DPP10: variants seen among roughly 807,000 people sequenced by gnomAD.
The protein encoded by DPP10 is inactive dipeptidyl peptidase 10.
A neutral mutation model predicts 120.9 loss-of-function variants in DPP10; 33 were observed. The observed-to-expected ratio is 0.27, with a 90% CI of 0.21 to 0.37. DPP10 has a LOEUF of 0.37. Ranked by LOEUF, DPP10 falls within the 10% of genes least tolerant of loss-of-function variation. DPP10 has a pLI of 1.00. For missense variants in DPP10, 816 were observed against 942.8 expected, an observed-to-expected ratio of 0.87 and a Z score of 1.76; for synonymous variants, 337 against 326.1, an observed-to-expected ratio of 1.03 and a Z score of -0.36.
intron 1 of DPP10, among the ~76,000 whole-genome samples, chr2:114,450,261 C>T (rs1016874474): frequency 2.6e-5 from 4 of 152,086 alleles, no homozygotes; most frequent in African/African-American, 9.7e-5. Context: ...GCAGAATTTT[C>T]TCAGTGAGAA....
intron 1 of DPP10, among the ~76,000 whole-genome samples, chr2:114,799,747 C>G (rs1684031846): frequency 6.6e-6 from 1 of 152,024 alleles, no homozygotes; most frequent in African/African-American, 2.4e-5. Flanking sequence ...AGTTGGATGT[C>G]CCCTGAGAAA....
chr2:115,230,471 T>G (rs2057682801), intron 1 of DPP10, among the ~76,000 whole-genome samples: 1 of 152,052 alleles, frequency 6.6e-6, no homozygotes, highest in South Asian at 2.1e-4. Flanking sequence ...GTAGGTAGTA[T>G]TTCTGCCATG....
chr2:115,377,146 G>A lies in DPP10; in HGVS notation c.271+33234G>A, dbSNP rs1574615965. ...CGCCACACTGACTTCCACAATGGTT[G>A]AACTAGTTTACAGTCCCACCAACAG... On this transcript the variant is annotated intron_variant, in intron 3 of 25. Coordinates refer to ENST00000410059, the MANE Select transcript of DPP10 (RefSeq NM_020868.6). 4.6e-5 allele frequency among the ~76,000 whole-genome samples: 7 copies of A among 152,108 alleles called. No homozygotes were observed. In the South Asian group the frequency reaches 1.2e-3, roughly 27 times the overall value.
At chr2:114,730,718 C>T (rs190115556) in intron 1 of DPP10, among the ~76,000 whole-genome samples, 198 of 152,094 alleles carry the variant, frequency 1.3e-3, no homozygotes, top group African/African-American at 4.7e-3. Context: ...CTCCGCCTCC[C>T]GAGTAGCTGG....
chr2:115,412,098 AG>A (rs1167297744), intron 3 of DPP10, among the ~76,000 whole-genome samples: 1 of 152,086 alleles, frequency 6.6e-6, no homozygotes, highest in African/African-American at 2.4e-5. Flanking sequence ...AGGGGAAATG[AG>A]ATTTTCCTCC....
chr2:114,945,404 A>T (rs1356023903), intron 1 of DPP10, among the ~76,000 whole-genome samples: 1 of 152,184 alleles, frequency 6.6e-6, no homozygotes, highest in African/African-American at 2.4e-5. Context: ...GAAACAATCA[A>T]TTTTTTTAAA....
chr2:115,828,728 AT>A (rs1688628643), intron 21 of DPP10, among the ~76,000 whole-genome samples: 1 of 151,978 alleles, frequency 6.6e-6, no homozygotes, highest in African/African-American at 2.4e-5. Flanking sequence ...TATTTTATAT[AT>A]TTTGTCTATA....
At chr2:115,194,641 C>T (rs563688655) in intron 1 of DPP10, among the ~76,000 whole-genome samples, 26 of 152,212 alleles carry the variant, frequency 1.7e-4, no homozygotes, top group South Asian at 1.5e-3. Context: ...GCCCGTCTTG[C>T]GTGAGCTTTT....
At chr2:114,932,238 A>G (rs1172145199) in intron 1 of DPP10, among the ~76,000 whole-genome samples, 1 of 152,232 alleles carries the variant, frequency 6.6e-6, no homozygotes, top group Non-Finnish European at 1.5e-5. Context: ...TTTGAAAACT[A>G]CTGCACACAT....
chr2:115,022,035 A>G (rs1479341478), intron 1 of DPP10, among the ~76,000 whole-genome samples: 2 of 152,172 alleles, frequency 1.3e-5, no homozygotes, highest in Non-Finnish European at 2.9e-5. Flanking sequence ...AAAGCCATCT[A>G]TGACAAACCC....
At chr2:115,626,309 C>G (rs1006631862) in intron 5 of DPP10, among the ~76,000 whole-genome samples, 6 of 151,854 alleles carry the variant, frequency 4.0e-5, no homozygotes, top group African/African-American at 1.4e-4. Flanking sequence ...TTATTTACTA[C>G]CATACTGAGA....
intron 1 of DPP10, among the ~76,000 whole-genome samples, chr2:114,687,751 C>T (rs938094547): frequency 1.3e-5 from 2 of 151,966 alleles, no homozygotes; most frequent in African/African-American, 4.8e-5. Context: ...TGGAGCAAGG[C>T]TTCCACCATT....
intron 5 of DPP10, among the ~76,000 whole-genome samples, chr2:115,564,715 A>G (rs1279209799): frequency 6.6e-6 from 1 of 152,244 alleles, no homozygotes; most frequent in Non-Finnish European, 1.5e-5. Context: ...TTGAAAAAAT[A>G]CATCAGATGG....
At chr2:114,711,781 ACTTGAGGGTCATAAAATGAAGC>A (rs1405190156) in intron 1 of DPP10, among the ~76,000 whole-genome samples, 13 of 152,268 alleles carry the variant, frequency 8.5e-5, no homozygotes, top group African/African-American at 3.1e-4. Context: ...AAATGAAAGT[ACTTGAGGGTCATAAAATGAAGC>A]TAGCAAGAAG....
At chr2:114,545,055 T>A (rs1687274767) in intron 1 of DPP10, among the ~76,000 whole-genome samples, 1 of 152,144 alleles carries the variant, frequency 6.6e-6, no homozygotes, top group African/African-American at 2.4e-5. Flanking sequence ...TTTCATCATG[T>A]TGGCCAGGAT....
At chr2:114,594,590 A>G (rs1034040428) in intron 1 of DPP10, among the ~76,000 whole-genome samples, 1 of 148,466 alleles carries the variant, frequency 6.7e-6, no homozygotes, top group African/African-American at 2.5e-5. Flanking sequence ...TATCTCATAT[A>G]TATACATATA....
intron 1 of DPP10, among the ~76,000 whole-genome samples, chr2:114,907,790 C>T (rs1295622761): frequency 1.3e-5 from 2 of 151,980 alleles, no homozygotes; most frequent in East Asian, 3.9e-4. Context: ...GTGTTCAGTA[C>T]GTATCTGCTA....
At chr2:114,573,838 T>G (rs147280185) in intron 1 of DPP10, among the ~76,000 whole-genome samples, 157 of 152,272 alleles carry the variant, frequency 1.0e-3, no homozygotes, top group African/African-American at 3.7e-3. Context: ...AAAAAGTAAT[T>G]GCTGTCTTTT....
chr2:114,605,864 TG>T (rs1391688219), intron 1 of DPP10, among the ~76,000 whole-genome samples: 1 of 152,110 alleles, frequency 6.6e-6, no homozygotes, highest in Non-Finnish European at 1.5e-5. Flanking sequence ...GAACTGGGCT[TG>T]GGTGTTCACT....
Sources: gnomAD v4.1 joint callset for allele counts (sites outside exome capture counted in the v4.1 genomes callset) on GRCh38, gnomAD v4.1.1 for gene constraint, MANE v1.5 for transcripts, NCBI Gene and HGNC (gene_info 2026-07-23, HGNC 2026-07-21) for gene names.